Variants in MYH9 observed in about 807,000 individuals in gnomAD.
MYH9 encodes the protein myosin-9.
MYH9 carries 29 observed loss-of-function variants against 241.9 expected under a neutral mutation model. The observed-to-expected ratio is 0.12, with a 90% CI of 0.09 to 0.16. The LOEUF is 0.16. Among genes scored for constraint, MYH9 ranks in the 10% least tolerant of loss-of-function variants. The probability of loss-of-function intolerance (pLI) is 1.00; values close to 1 mark genes in which losing one functional copy is unlikely to be tolerated. For synonymous variants in MYH9, 1,047 were observed against 1,062.6 expected (o/e 0.99, Z 0.29); for missense variants, 1,803 against 2,595.5 (o/e 0.69, Z 6.63).
At chr22:36,355,739 G>A (rs1272129265) in intron 1 of MYH9, among the ~76,000 whole-genome samples, 1 of 152,128 alleles carries the variant, frequency 6.6e-6, no homozygotes, top group Non-Finnish European at 1.5e-5. Context: ...ACAAAACCTA[G>A]GGTCAGACTC....
chr22:36,338,071 C>T (rs1466269042), intron 3 of MYH9, among the ~76,000 whole-genome samples: 3 of 151,820 alleles, frequency 2.0e-5, no homozygotes, highest in Non-Finnish European at 4.4e-5. Context: ...GATCTCAGCT[C>T]ACTGCAACCT....
At chr22:36,317,479 G>A (rs149333015) in intron 11 of MYH9, among the ~76,000 whole-genome samples, 34 of 152,248 alleles carry the variant, frequency 2.2e-4, no homozygotes, top group African/African-American at 7.9e-4. Context: ...AATAATACGC[G>A]ATGTCTTTTG....
Position 36,308,995 on chromosome 22 carries a change from C to T in MYH9, c.1843+287G>A, listed in dbSNP as rs2239781. 84,534 of 427,364 alleles carry T rather than the reference C, an allele frequency of 0.2. 10,300 individuals are homozygous for T. Among genetic ancestry groups the T allele is most frequent in the East Asian group, 0.62 (3,917 of 6,278 alleles). 26.5% of individuals were successfully genotyped at this position (427,364 alleles called of 1,614,324 possible). ...GTAGAGGCGGGAATGCAACATGGCG[C>T]GGGGCTGGGAGCCTGGGCTTCGAGG... On this transcript the variant is annotated intron_variant, in intron 15 of 40. Coordinates refer to ENST00000216181, the MANE Select transcript of MYH9 (RefSeq NM_002473.6).
intron 5 of MYH9, among the ~76,000 whole-genome samples, chr22:36,324,601 C>G (rs2017306650): frequency 6.6e-6 from 1 of 152,280 alleles, no homozygotes. Flanking sequence ...GGAGGGTCAA[C>G]TCGGTCACTG....
chr22:36,292,405 C>A (rs1210554026), intron 30 of MYH9, among the ~76,000 whole-genome samples, 171 bp from the exon 31 acceptor site: 1 of 152,296 alleles, frequency 6.6e-6, no homozygotes, highest in African/African-American at 2.4e-5. Flanking sequence ...AGGGGCGAGA[C>A]AAATGGAGCT....
At chr22:36,353,508 C>T (rs904703667) in intron 1 of MYH9, among the ~76,000 whole-genome samples, 4 of 151,892 alleles carry the variant, frequency 2.6e-5, no homozygotes, top group Non-Finnish European at 5.9e-5. Context: ...CTACAGGCGC[C>T]CACCACCACA....
At chr22:36,347,140 C>T (rs915883772) in intron 2 of MYH9, among the ~76,000 whole-genome samples, 3 of 152,082 alleles carry the variant, frequency 2.0e-5, no homozygotes, top group South Asian at 2.1e-4. Context: ...CCCCAGAGCC[C>T]GTTGCCTCTG....
intron 1 of MYH9, among the ~76,000 whole-genome samples, chr22:36,354,357 T>C (rs137871730): frequency 4.8e-4 from 73 of 152,034 alleles, no homozygotes; most frequent in African/African-American, 1.6e-3. Context: ...CAACATTTAA[T>C]GGCTGCAGCA....
At chr22:36,344,876 CAA>C (rs1452878671) in intron 2 of MYH9, among the ~76,000 whole-genome samples, 1 of 152,146 alleles carries the variant, frequency 6.6e-6, no homozygotes, top group Non-Finnish European at 1.5e-5. Flanking sequence ...CAGCAGATCC[CAA>C]AAGAGACTCA....
At position 36,311,970 on chromosome 22, in the gene MYH9, C is replaced by G. The variant is rs929989295; in HGVS notation, c.1728+79G>C. ...CACCCCTGCGTCCCCAGCAGCTGCC[C>G]GGCTCCTGGTCCTAGAGAGCCTCGA... On this transcript the variant is annotated intron_variant, in intron 14 of 40. Coordinates refer to ENST00000216181, the MANE Select transcript of MYH9 (RefSeq NM_002473.6). The G allele has an allele frequency of 5.7e-6, 9 of 1,582,944 alleles. No homozygotes were observed. In the Middle Eastern group the frequency reaches 6.7e-4, roughly 118 times the overall value.
At position 36,288,660 on chromosome 22, in the gene MYH9, G is replaced by T. The variant is rs1482014786; in HGVS notation, c.4770+67C>A. 4.5e-6 allele frequency: 7 copies of T among 1,570,276 alleles called. No individual in the cohort carries two copies. Among genetic ancestry groups the T allele is most frequent in the Non-Finnish European group, 6.1e-6 (7 of 1,154,392 alleles). ...CTAACACAATCCAGGTGGAAGGAGA[G>T]AACAGAAGCCTGCGTGAAGCCAAGG... On this transcript the variant is annotated intron_variant, in intron 33 of 40. Transcript: ENST00000216181. The surrounding 1 kb of genome is among the most constrained non-coding windows in gnomAD (Gnocchi z 4.8).
chr22:36,339,981 C>T lies in MYH9; in HGVS notation c.490+1389G>A, dbSNP rs1046846963. Among the ~76,000 whole-genome samples the T allele has an allele frequency of 4.6e-5, 7 of 152,026 alleles. 1 individual carries two copies. Among genetic ancestry groups the T allele is most frequent in the Non-Finnish European group, 1.5e-5 (1 of 67,982 alleles). On this transcript the variant is annotated intron_variant, in intron 3 of 40. Coordinates refer to ENST00000216181, the MANE Select transcript of MYH9 (RefSeq NM_002473.6). Reference sequence around the variant, plus strand: ...TCCTTGGAGGCCCTAATGCTTCAGTCATGTTTTTAAAAAAAGAATAGGGAT... The same window carrying T: ...TCCTTGGAGGCCCTAATGCTTCAGTTATGTTTTTAAAAAAAGAATAGGGAT...
At chr22:36,373,089 A>G (rs1015404182) in intron 1 of MYH9, among the ~76,000 whole-genome samples, 1 of 152,156 alleles carries the variant, frequency 6.6e-6, no homozygotes, top group African/African-American at 2.4e-5. Flanking sequence ...AGCCACTAGG[A>G]TTCTGAAACT....
Position 36,288,201 on chromosome 22 carries a change from T to C in MYH9, c.4932+51A>G, listed in dbSNP as rs373712846. The C allele has an allele frequency of 3.1e-5, 50 of 1,608,060 alleles. No individual in the cohort carries two copies. The highest frequency in any genetic ancestry group is 5.3e-5 in the African/African-American group (4 of 74,870). ...CGAGCCCTGGCACCTTCATATGTAG[T>C]TGGCTCAGTCGGGTGCCGCCCACCC... On this transcript the variant is annotated intron_variant, in intron 34 of 40. Coordinates refer to ENST00000216181, the MANE Select transcript of MYH9 (RefSeq NM_002473.6). The surrounding 1 kb of genome is among the most constrained non-coding windows in gnomAD (Gnocchi z 4.8).
rs1478895890 is a variant in MYH9 at position 36,295,468 on chromosome 22, C to T, written c.3485+37G>A. 6.3e-7 allele frequency: 1 copy of T among 1,584,422 alleles called. No individual in the cohort carries two copies. The highest frequency in any genetic ancestry group is 2.2e-5 in the East Asian group (1 of 44,718). On this transcript the variant is annotated intron_variant, in intron 26 of 40. Transcript: ENST00000216181. This position sits in a 1 kb window ranked among gnomAD's most constrained non-coding sequence, Gnocchi z 4.1. ...CTCCAAGCCAAGGCCCCCCTGGCTG[C>T]CCTCCCCATCCCGAGGGACTTGGTC...
chr22:36,309,328 C>G lies in MYH9; in HGVS notation c.1797G>C (p.Leu599=). 1 of 1,614,174 alleles carries G rather than the reference C, an allele frequency of 6.2e-7. No homozygotes were observed. The highest frequency in any genetic ancestry group is 2.2e-5 in the East Asian group (1 of 44,888). Residue 599 remains leucine, a synonymous_variant, in exon 15 of 41, where the codon CTG becomes CTC. Transcript: ENST00000216181. The part of the protein sequence containing the change: ...MDPLNDNIAT[L]LHQSSDKFVS... The stretch of plus-strand genomic sequence containing the variant: ...CAAACTTGTCAGAGGACTGGTGGAG[C>G]AGTGTGGCGATGTTGTCATTCAGGG...
intron 9 of MYH9, 65 bp from the exon 10 acceptor site, chr22:36,319,700 G>T: frequency 6.7e-7 from 1 of 1,490,220 alleles, no homozygotes; most frequent in Non-Finnish European, 9.3e-7. Context: ...GGGGGTGGGG[G>T]CCACTCATCT....
At position 36,293,791 on chromosome 22, in the gene MYH9, A is replaced by C; in HGVS notation, c.3910T>G (p.Ser1304Ala). ...SKSSKLTKDFSALESQLQDTQ... is the reference protein window; with the variant it reads ...SKSSKLTKDFAALESQLQDTQ... ...TCCTGCAGCTGGGACTCCAGCGCGG[A>C]GAAGTCCTTGGTGAGCTTGCTGGAC... Residue 1304 changes from serine (S) to alanine (A), a missense_variant, in exon 29 of 41, where the codon TCC becomes GCC. Around this residue, in one of 11 missense-constraint regions of MYH9, gnomAD observed 876 missense variants for 1,077.8 expected, o/e 0.81. Coordinates refer to ENST00000216181, the MANE Select transcript of MYH9 (RefSeq NM_002473.6). This position sits in a 1 kb window ranked among gnomAD's most constrained non-coding sequence, Gnocchi z 5.1. 6.2e-7 allele frequency: 1 copy of C among 1,613,860 alleles called. No homozygotes were observed. Among genetic ancestry groups the C allele is most frequent in the Non-Finnish European group, 8.5e-7 (1 of 1,179,990 alleles).
intron 13 of MYH9, among the ~76,000 whole-genome samples, chr22:36,312,998 G>A (rs1475573115): frequency 1.3e-5 from 2 of 151,574 alleles, no homozygotes; most frequent in Non-Finnish European, 2.9e-5. Flanking sequence ...GCTGAGGCAG[G>A]AGAATCGCTT....
Sources: allele counts gnomAD v4.1 joint callset (sites outside exome capture counted in the v4.1 genomes callset), GRCh38; gene constraint gnomAD v4.1.1; regional missense constraint gnomAD v4.1.1; non-coding constraint Gnocchi (gnomAD v3.1); transcripts MANE v1.5; gene names NCBI Gene and HGNC (gene_info 2026-07-23, HGNC 2026-07-21).